Variants in GRIA4 observed in about 807,000 individuals in gnomAD.
GRIA4 encodes the protein glutamate receptor 4.
A neutral mutation model predicts 104.0 loss-of-function variants in GRIA4; 34 were observed. The ratio of observed to expected loss-of-function variants is 0.33; its 90% CI spans 0.25 to 0.44. The LOEUF is 0.44. GRIA4 is among the 20% of genes least tolerant of loss of function. GRIA4 has a pLI of 1.00. For synonymous variants in GRIA4, 386 were observed against 381.9 expected, an observed-to-expected ratio of 1.01 and a Z score of -0.13; for missense variants, 750 against 1,096.5, an observed-to-expected ratio of 0.68 and a Z score of 4.46.
intron 3 of GRIA4, chr11:105,613,238 G>T (rs777402048): frequency 2.0e-5 from 3 of 151,478 alleles, no homozygotes; most frequent in Non-Finnish European, 4.4e-5. Context: ...ATAACTTAAT[G>T]TAAAAAAAAA....
chr11:105,823,836 C>T (rs1016766021), intron 4 of GRIA4, among the ~76,000 whole-genome samples: 3 of 151,996 alleles, frequency 2.0e-5, no homozygotes, highest in Admixed American at 6.6e-5. Context: ...CCTAACCCCC[C>T]GTACATCAGA....
At chr11:105,976,141 T>C (rs1565376184) in intron 16 of GRIA4, among the ~76,000 whole-genome samples, 1 of 152,110 alleles carries the variant, frequency 6.6e-6, no homozygotes, top group Non-Finnish European at 1.5e-5. Context: ...TTATTTGGAC[T>C]GAATTCTGAG....
At chr11:105,777,405 C>A (rs555156354) in intron 4 of GRIA4, among the ~76,000 whole-genome samples, 2 of 152,034 alleles carry the variant, frequency 1.3e-5, no homozygotes, top group African/African-American at 4.8e-5. Flanking sequence ...AGGCAAATGA[C>A]AATATTCGAA....
At chr11:105,675,992 A>G (rs1952523763) in intron 3 of GRIA4, among the ~76,000 whole-genome samples, 1 of 151,788 alleles carries the variant, frequency 6.6e-6, no homozygotes, top group Non-Finnish European at 1.5e-5. Context: ...CTTTCATGTT[A>G]GCCTTCTCAC....
At chr11:105,751,584 T>G (rs972995311) in intron 3 of GRIA4, among the ~76,000 whole-genome samples, 3 of 152,198 alleles carry the variant, frequency 2.0e-5, no homozygotes, top group Non-Finnish European at 4.4e-5. Context: ...TGATGGTTCT[T>G]CTTTGATAGA....
chr11:105,906,627 T>C (rs756213621), intron 9 of GRIA4, among the ~76,000 whole-genome samples: 2 of 152,180 alleles, frequency 1.3e-5, no homozygotes, highest in Non-Finnish European at 2.9e-5. Context: ...ATCTTCTTAA[T>C]GGCATAGCCC....
intron 3 of GRIA4, among the ~76,000 whole-genome samples, chr11:105,695,624 T>C (rs898151204): frequency 6.6e-6 from 1 of 152,154 alleles, no homozygotes; most frequent in Non-Finnish European, 1.5e-5. Context: ...ATTTCTTTCT[T>C]AACCTGCAAG....
intron 4 of GRIA4, among the ~76,000 whole-genome samples, chr11:105,770,367 T>A (rs1941154382): frequency 6.6e-6 from 1 of 152,104 alleles, no homozygotes; most frequent in African/African-American, 2.4e-5. Flanking sequence ...TTTCCATTTA[T>A]GATGCATATT....
In GRIA4 at chr11:105,611,644, C is replaced by G. The variant is rs146750850; in HGVS notation, c.88+559C>G. Among the ~76,000 whole-genome samples, 1,033 of 152,212 alleles carry G rather than the reference C, an allele frequency of 6.8e-3. 8 individuals carry two copies. The highest frequency in any genetic ancestry group is 0.024 in the African/African-American group (996 of 41,544). ...CTTTTATTTTGTTTTCTTCTTGAAGCTTTTGCCCTTATTTCTCTACCTCGA... is the reference window on the plus strand; with the variant it reads ...CTTTTATTTTGTTTTCTTCTTGAAGGTTTTGCCCTTATTTCTCTACCTCGA... On this transcript the variant is annotated intron_variant, in intron 2 of 16. Transcript: ENST00000282499.
chr11:105,772,846 GTAAC>G (rs1941272898), intron 4 of GRIA4, among the ~76,000 whole-genome samples: 1 of 152,164 alleles, frequency 6.6e-6, no homozygotes, highest in South Asian at 2.1e-4. Context: ...TGTGTGGGAT[GTAAC>G]TAAAGTACAG....
intron 14 of GRIA4, among the ~76,000 whole-genome samples, chr11:105,943,806 T>TC (rs1565357157): frequency 1.3e-5 from 2 of 152,124 alleles, no homozygotes; most frequent in African/African-American, 2.4e-5. Context: ...GTTTACTTTT[T>TC]CCCCCCATTT....
chr11:105,724,643 G>A (rs1256621023), intron 3 of GRIA4, among the ~76,000 whole-genome samples: 1 of 152,028 alleles, frequency 6.6e-6, no homozygotes, highest in Non-Finnish European at 1.5e-5. Context: ...AAAGGGTTGG[G>A]GGGCAGTAGG....
At chr11:105,715,589 G>A (rs1395982027) in intron 3 of GRIA4, among the ~76,000 whole-genome samples, 1 of 152,076 alleles carries the variant, frequency 6.6e-6, no homozygotes, top group Non-Finnish European at 1.5e-5. Context: ...CCAGTTTTTA[G>A]ATAATAGAAT....
intron 3 of GRIA4, among the ~76,000 whole-genome samples, chr11:105,654,879 C>T (rs1204321463): frequency 6.6e-6 from 1 of 152,030 alleles, no homozygotes; most frequent in Non-Finnish European, 1.5e-5. Context: ...CTCACAAACC[C>T]CTCTCAAAAA....
rs546681897 is a variant in GRIA4 at position 105,778,333 on chromosome 11, A to G, written c.487+25113A>G. ...TCAGGGAAGGGGATCATTGCATGCTATGCACAAATCCCTAAACAGATCCTT... is the reference window on the plus strand; with the variant it reads ...TCAGGGAAGGGGATCATTGCATGCTGTGCACAAATCCCTAAACAGATCCTT... On this transcript the variant is annotated intron_variant, in intron 4 of 16. Coordinates refer to ENST00000282499, the MANE Select transcript of GRIA4 (RefSeq NM_000829.4). 1.1e-4 allele frequency among the ~76,000 whole-genome samples: 17 copies of G among 152,348 alleles called. No homozygotes were observed. The South Asian group carries it at 2.9e-3, about 26-fold the overall frequency.
chr11:105,884,185 C>T (rs532941174), intron 5 of GRIA4, among the ~76,000 whole-genome samples: 1 of 152,360 alleles, frequency 6.6e-6, no homozygotes, highest in Non-Finnish European at 1.5e-5. Flanking sequence ...TTTCCCATGA[C>T]AACTAAGCCA....
At chr11:105,841,425 C>T (rs918595154) in intron 4 of GRIA4, among the ~76,000 whole-genome samples, 7 of 152,144 alleles carry the variant, frequency 4.6e-5, no homozygotes, top group African/African-American at 1.7e-4. Context: ...CACTCCTTCA[C>T]AGCAGGACTG....
intron 11 of GRIA4, among the ~76,000 whole-genome samples, chr11:105,919,990 GC>G (rs1409137856): frequency 6.6e-6 from 1 of 152,084 alleles, no homozygotes; most frequent in African/African-American, 2.4e-5. Context: ...CACTTTCCAA[GC>G]CAAAACTTCA....
At chr11:105,642,488 A>T (rs945538714) in intron 3 of GRIA4, among the ~76,000 whole-genome samples, 2 of 150,506 alleles carry the variant, frequency 1.3e-5, no homozygotes, top group Non-Finnish European at 3.0e-5. Context: ...GGCAGTCATA[A>T]AAAAGTATTT....
Sources: allele counts gnomAD v4.1 joint callset (sites outside exome capture counted in the v4.1 genomes callset), GRCh38; gene constraint gnomAD v4.1.1; transcripts MANE v1.5; gene names NCBI Gene and HGNC (gene_info 2026-07-23, HGNC 2026-07-21).